Variants in NAALADL2 observed in about 807,000 individuals in gnomAD.
NAALADL2 encodes inactive N-acetylated-alpha-linked acidic dipeptidase-like protein 2.
A neutral mutation model predicts 87.2 loss-of-function variants in NAALADL2; 76 were observed. That is an observed-to-expected ratio of 0.87 (90% CI 0.72 to 1.05). The LOEUF is 1.05. NAALADL2 is among the 50% of genes least tolerant of loss of function. The pLI, the probability that NAALADL2 is intolerant of heterozygous loss-of-function variation, is 0.00. For synonymous variants in NAALADL2, 354 were observed against 331.0 expected, an observed-to-expected ratio of 1.07 and a Z score of -0.75; for missense variants, 1,089 against 945.8, an observed-to-expected ratio of 1.15 and a Z score of -1.99.
chr3:175,514,927 C>T (rs1731637932), intron 9 of NAALADL2, among the ~76,000 whole-genome samples: 1 of 152,168 alleles, frequency 6.6e-6, no homozygotes, highest in African/African-American at 2.4e-5. Context: ...AGTGTCTCTT[C>T]ACTGGGGATG....
At chr3:175,537,257 A>T (rs755849499) in intron 9 of NAALADL2, among the ~76,000 whole-genome samples, 6 of 152,206 alleles carry the variant, frequency 3.9e-5, no homozygotes, top group Non-Finnish European at 8.8e-5. Context: ...AATATATTCT[A>T]TTTACAAAAA....
At chr3:174,981,893 T>C (rs1745168965) in intron 1 of NAALADL2, among the ~76,000 whole-genome samples, 1 of 152,090 alleles carries the variant, frequency 6.6e-6, no homozygotes, top group Non-Finnish European at 1.5e-5. Flanking sequence ...CCAGGTAAAA[T>C]GGTGAAAGAA....
In NAALADL2 at chr3:175,454,027, G is replaced by A. The variant is rs1002089146; in HGVS notation, c.1234+6655G>A. On this transcript the variant is annotated intron_variant, in intron 6 of 13. Transcript: ENST00000454872. ...GAGTATTAATTTTGGAGCACTGTTT[G>A]TATTGGTATCTTTATGCTACGTATT... Among the ~76,000 whole-genome samples, 10 of 152,092 alleles carry A rather than the reference G, an allele frequency of 6.6e-5. No individual in the cohort carries two copies. The East Asian group carries it at 1.7e-3, about 27-fold the overall frequency.
chr3:174,878,909 G>A (rs1398782096), intron 1 of NAALADL2, among the ~76,000 whole-genome samples: 1 of 151,990 alleles, frequency 6.6e-6, no homozygotes, highest in Non-Finnish European at 1.5e-5. Flanking sequence ...CCAATATGCC[G>A]ACGCCATGCA....
chr3:174,681,809 C>T (rs769363287), intron 2 of NAALADL2, among the ~76,000 whole-genome samples: 5 of 152,166 alleles, frequency 3.3e-5, no homozygotes, highest in Non-Finnish European at 5.9e-5. Context: ...AGCTTGGCCA[C>T]GGTGGGGTAG....
chr3:175,058,450 G>A (rs984274192), intron 1 of NAALADL2, among the ~76,000 whole-genome samples: 11 of 152,016 alleles, frequency 7.2e-5, no homozygotes, highest in Admixed American at 2.6e-4. Context: ...TTTTACTGAG[G>A]GAGGCAGTTA....
At chr3:175,017,755 A>G (rs535775361) in intron 1 of NAALADL2, among the ~76,000 whole-genome samples, 2 of 152,056 alleles carry the variant, frequency 1.3e-5, no homozygotes, top group East Asian at 1.9e-4. Flanking sequence ...AATATTTCTG[A>G]ATATTATTTT....
intron 2 of NAALADL2, among the ~76,000 whole-genome samples, chr3:174,571,697 G>A (rs573006942): frequency 5.9e-5 from 9 of 152,186 alleles, no homozygotes; most frequent in African/African-American, 1.9e-4. Context: ...TAATTAAACA[G>A]GGTGATGAAG....
Position 175,616,723 on chromosome 3 carries a change from C to A in NAALADL2, c.1801-10568C>A, listed in dbSNP as rs144839172. Among the ~76,000 whole-genome samples, 17 of 152,192 alleles carry A rather than the reference C, an allele frequency of 1.1e-4. No homozygotes were observed. In the East Asian group the frequency reaches 3.1e-3, roughly 28 times the overall value. Reference sequence around the variant, plus strand: ...GCCAACTTGGATCCCAGACCCTCTGCGATTCCATGTTCAGTTTGTGGGTTT... The same window carrying A: ...GCCAACTTGGATCCCAGACCCTCTGAGATTCCATGTTCAGTTTGTGGGTTT... On this transcript the variant is annotated intron_variant, in intron 10 of 13. Transcript: ENST00000454872.
intron 11 of NAALADL2, among the ~76,000 whole-genome samples, chr3:175,733,384 G>A (rs187851168): frequency 1.7e-3 from 255 of 152,194 alleles, no homozygotes; most frequent in African/African-American, 5.8e-3. Context: ...TTGTATAGGG[G>A]AACTCCTGTT....
chr3:174,912,726 A>T (rs563312083), intron 1 of NAALADL2, among the ~76,000 whole-genome samples: 3 of 152,202 alleles, frequency 2.0e-5, no homozygotes, highest in Non-Finnish European at 4.4e-5. Context: ...ATTGTTGGCA[A>T]TGGTCTGTTT....
chr3:175,214,167 T>A (rs1362997615), intron 2 of NAALADL2, among the ~76,000 whole-genome samples: 1 of 152,192 alleles, frequency 6.6e-6, no homozygotes, highest in African/African-American at 2.4e-5. Flanking sequence ...TGATAGGTTG[T>A]GTTTATTATT....
At chr3:175,727,712 TGAC>T (rs1376142381) in intron 11 of NAALADL2, among the ~76,000 whole-genome samples, 1 of 152,210 alleles carries the variant, frequency 6.6e-6, no homozygotes, top group Non-Finnish European at 1.5e-5. Flanking sequence ...AGAGATTCCA[TGAC>T]AATTTTCCTA....
At chr3:174,508,471 C>T (rs746912792) in intron 1 of NAALADL2, among the ~76,000 whole-genome samples, 2 of 152,084 alleles carry the variant, frequency 1.3e-5, no homozygotes, top group African/African-American at 2.4e-5. Context: ...TTTGTATTTC[C>T]ACATAAAGTA....
chr3:174,750,822 T>A (rs115825371), intron 3 of NAALADL2, among the ~76,000 whole-genome samples: 2,376 of 152,320 alleles, frequency 0.016, 29 homozygotes, highest in Non-Finnish European at 0.022. Context: ...TTCCTGCCAA[T>A]AGCAAGTTGG....
intron 1 of NAALADL2, among the ~76,000 whole-genome samples, chr3:174,965,515 T>G (rs1039467875): frequency 6.6e-6 from 1 of 152,100 alleles, no homozygotes; most frequent in African/African-American, 2.4e-5. Context: ...TTCAAATATA[T>G]GCAAGTATTG....
chr3:174,879,850 T>C (rs1291708379), intron 1 of NAALADL2, among the ~76,000 whole-genome samples: 1 of 152,070 alleles, frequency 6.6e-6, no homozygotes, highest in Non-Finnish European at 1.5e-5. Context: ...GCGTCACTAA[T>C]TACCTTCATG....
chr3:174,584,926 G>A (rs762279180), intron 2 of NAALADL2, among the ~76,000 whole-genome samples: 2 of 152,016 alleles, frequency 1.3e-5, no homozygotes, highest in East Asian at 1.9e-4. Flanking sequence ...TGCACTTATC[G>A]TTTTACCCTC....
intron 11 of NAALADL2, among the ~76,000 whole-genome samples, chr3:175,647,869 C>T (rs1730226603): frequency 6.6e-6 from 1 of 152,186 alleles, no homozygotes; most frequent in Non-Finnish European, 1.5e-5. Flanking sequence ...ATTTCTTGCG[C>T]TTGTTAGTTC....
Sources: gnomAD v4.1 joint callset for allele counts (sites outside exome capture counted in the v4.1 genomes callset) on GRCh38, gnomAD v4.1.1 for gene constraint, MANE v1.5 for transcripts, NCBI Gene and HGNC (gene_info 2026-07-23, HGNC 2026-07-21) for gene names.